MDFIC: variants seen among roughly 807,000 people sequenced by gnomAD.
The protein encoded by MDFIC is MyoD family inhibitor domain containing.
A neutral mutation model predicts 23.2 loss-of-function variants in MDFIC; 17 were observed. The ratio of observed to expected loss-of-function variants is 0.73; its 90% confidence interval spans 0.50 to 1.10. MDFIC has a LOEUF of 1.10. MDFIC is among the 50% of genes least tolerant of loss of function. The probability of loss-of-function intolerance (pLI) is 0.00; values close to 1 mark genes in which losing one functional copy is unlikely to be tolerated. For missense variants in MDFIC, 356 were observed against 316.6 expected (o/e 1.12, Z -0.95); for synonymous variants, 120 against 115.2 (o/e 1.04, Z -0.27).
chr7:114,927,262 A>C (rs1164310470), intron 2 of MDFIC, among the ~76,000 whole-genome samples: 1 of 151,180 alleles, frequency 6.6e-6, no homozygotes, highest in Non-Finnish European at 1.5e-5. Context: ...GTTGAGAATC[A>C]TTGTTTTATG....
intron 2 of MDFIC, chr7:114,923,444 G>T: frequency 1.3e-6 from 2 of 1,537,598 alleles, no homozygotes; most frequent in Non-Finnish European, 8.7e-7. Context: ...AGGTTCTGAA[G>T]CGCTTCTCCT....
chr7:115,016,178 T>G lies in MDFIC; in HGVS notation c.*243T>G, dbSNP rs183137880. ...ATATGTTACAATAACTTAGGGACATTTTGACACCCCCCTTCCCAAATGTTA... is the reference window on the plus strand; with the variant it reads ...ATATGTTACAATAACTTAGGGACATGTTGACACCCCCCTTCCCAAATGTTA... On this transcript the variant is annotated 3_prime_UTR_variant, in exon 5 of 5. Transcript: ENST00000393486. 2.6e-5 allele frequency: 11 copies of G among 421,804 alleles called. 1 individual carries two copies. The Admixed American group carries it at 4.6e-4, about 18-fold the overall frequency. 26.1% of individuals were successfully genotyped at this position (421,804 alleles called of 1,614,324 possible). A position where few individuals can be genotyped will look rare whatever the true frequency, so the allele number is the denominator to read the frequency against.
intron 3 of MDFIC, among the ~76,000 whole-genome samples, chr7:114,956,359 AT>A (rs1792884339): frequency 2.0e-5 from 1 of 50,260 alleles, no homozygotes; most frequent in Non-Finnish European, 4.8e-5. Flanking sequence ...ACACACACAC[AT>A]ATATATATAT....
chr7:114,980,969 C>T (rs1023798556), intron 4 of MDFIC, among the ~76,000 whole-genome samples: 8 of 152,142 alleles, frequency 5.3e-5, no homozygotes. Context: ...AGTTCCAGGT[C>T]AGTGACACTA....
At chr7:114,983,921 C>T (rs527980138) in intron 4 of MDFIC, among the ~76,000 whole-genome samples, 14 of 152,128 alleles carry the variant, frequency 9.2e-5, no homozygotes, top group African/African-American at 2.7e-4. Context: ...ATTTAGTCCT[C>T]CCAACAACGC....
chr7:114,928,049 A>G (rs13225906), intron 2 of MDFIC, among the ~76,000 whole-genome samples: 47,876 of 152,110 alleles, frequency 0.31, 9,511 homozygotes, highest in Non-Finnish European at 0.45. Context: ...TTTTGAATTT[A>G]GAAAATGAAT....
chr7:115,002,415 A>G (rs370257388), intron 4 of MDFIC, among the ~76,000 whole-genome samples: 1 of 152,288 alleles, frequency 6.6e-6, no homozygotes, highest in East Asian at 1.9e-4. Context: ...CCTCCACAGA[A>G]CTTCAATATG....
At chr7:114,925,899 G>A (rs1792181097) in intron 2 of MDFIC, among the ~76,000 whole-genome samples, 1 of 152,132 alleles carries the variant, frequency 6.6e-6, no homozygotes, top group Non-Finnish European at 1.5e-5. Flanking sequence ...ACAGAAAATA[G>A]AAAGTAAACA....
At chr7:114,991,764 A>G (rs1449614631) in intron 4 of MDFIC, among the ~76,000 whole-genome samples, 1 of 152,180 alleles carries the variant, frequency 6.6e-6, no homozygotes, top group Non-Finnish European at 1.5e-5. Flanking sequence ...CTTGTAGTAT[A>G]GTTTGAACTC....
chr7:114,949,817 C>A (rs1792728266), intron 3 of MDFIC, among the ~76,000 whole-genome samples: 2 of 152,044 alleles, frequency 1.3e-5, no homozygotes, highest in African/African-American at 4.8e-5. Flanking sequence ...CCAGAGGGAG[C>A]TTTCCAGTGG....
intron 2 of MDFIC, chr7:114,923,603 C>A: frequency 6.7e-7 from 1 of 1,483,132 alleles, no homozygotes; most frequent in Non-Finnish European, 8.9e-7. Flanking sequence ...ATGGCTTATG[C>A]TTGTTTTCAA....
At chr7:114,969,688 G>A (rs1428170005) in intron 3 of MDFIC, among the ~76,000 whole-genome samples, 2 of 152,088 alleles carry the variant, frequency 1.3e-5, no homozygotes, top group Admixed American at 1.3e-4. Flanking sequence ...CTTGTTTTTG[G>A]CTGATCAGCA....
At chr7:114,981,054 A>G (rs1793408987) in intron 4 of MDFIC, among the ~76,000 whole-genome samples, 1 of 152,230 alleles carries the variant, frequency 6.6e-6, no homozygotes, top group Non-Finnish European at 1.5e-5. Context: ...CTGCATGGTC[A>G]TCTCTGAAGC....
At chr7:114,997,154 A>T (rs753339785) in intron 4 of MDFIC, among the ~76,000 whole-genome samples, 1 of 152,226 alleles carries the variant, frequency 6.6e-6, no homozygotes, top group Non-Finnish European at 1.5e-5. Flanking sequence ...AGAGAAAATG[A>T]GAAAAGAAAA....
chr7:114,927,692 G>C (rs1279067159), intron 2 of MDFIC, among the ~76,000 whole-genome samples: 1 of 152,080 alleles, frequency 6.6e-6, no homozygotes, highest in Non-Finnish European at 1.5e-5. Context: ...GCAAAACAAG[G>C]AAAGAAATCT....
intron 2 of MDFIC, among the ~76,000 whole-genome samples, chr7:114,927,953 T>TATTGG (rs1332540251): frequency 6.8e-6 from 1 of 146,388 alleles, no homozygotes; most frequent in African/African-American, 2.5e-5. Flanking sequence ...TTTAAAACAC[T>TATTGG]TTTTGAATAC....
intron 4 of MDFIC, among the ~76,000 whole-genome samples, chr7:115,011,085 G>T (rs1258826301): frequency 6.6e-6 from 1 of 152,182 alleles, no homozygotes; most frequent in Non-Finnish European, 1.5e-5. Context: ...CCCAGTGTTA[G>T]AAGTGACCCA....
chr7:114,951,593 A>G (rs1248135474), intron 3 of MDFIC, among the ~76,000 whole-genome samples: 1 of 152,198 alleles, frequency 6.6e-6, no homozygotes, highest in Non-Finnish European at 1.5e-5. Context: ...AGGGAGTTAT[A>G]TGAAGTTGAG....
chr7:114,954,567 T>C (rs1489432848), intron 3 of MDFIC, among the ~76,000 whole-genome samples: 2 of 152,232 alleles, frequency 1.3e-5, no homozygotes, highest in Non-Finnish European at 2.9e-5. Context: ...TCTCAGTTTT[T>C]AGTTGGTTTC....
Sources: gnomAD v4.1 joint callset for allele counts (sites outside exome capture counted in the v4.1 genomes callset) on GRCh38, gnomAD v4.1.1 for gene constraint, MANE v1.5 for transcripts, NCBI Gene and HGNC (gene_info 2026-07-23, HGNC 2026-07-21) for gene names.